Variants in GPC3 observed in about 807,000 individuals in gnomAD.
GPC3 encodes the protein glypican 3.
A neutral mutation model predicts 34.4 loss-of-function variants in GPC3; 3 were observed. The ratio of observed to expected loss-of-function variants is 0.09; its 90% CI spans 0.04 to 0.23. The LOEUF is 0.23. Ranked by LOEUF, GPC3 falls within the 10% of genes least tolerant of loss-of-function variation. The pLI is 1.00. For missense variants in GPC3, 351 were observed against 445.6 expected (o/e 0.79, Z 1.91); for synonymous variants, 177 against 174.0 (o/e 1.02, Z -0.13).
intron 2 of GPC3, among the ~76,000 whole-genome samples, chrX:133,819,064 A>T (rs1308018408): frequency 9.4e-6 from 1 of 106,107 alleles, no homozygotes; most frequent in Non-Finnish European, 1.9e-5. Flanking sequence ...ACATATGTAT[A>T]CATGTGCCAT....
chrX:133,656,922 G>T (rs2070669953), intron 6 of GPC3, among the ~76,000 whole-genome samples: 1 of 111,740 alleles, frequency 8.9e-6, no homozygotes, highest in Non-Finnish European at 1.9e-5. Flanking sequence ...TCACAAGAGG[G>T]TGCTGGGTTA....
chrX:133,645,969 T>G (rs1384177743), intron 6 of GPC3, among the ~76,000 whole-genome samples: 1 of 109,743 alleles, frequency 9.1e-6, no homozygotes, highest in Admixed American at 9.8e-5. Context: ...CATGTCTTTT[T>G]GTGGCAGAGA....
At chrX:133,884,265 C>G (rs5975434) in intron 2 of GPC3, among the ~76,000 whole-genome samples, 1,696 of 111,755 alleles carry the variant, frequency 0.015, 33 homozygotes, top group African/African-American at 0.052. Context: ...CAAGAATTCT[C>G]CGTTATGATT....
chrX:133,971,972 T>C (rs1457990377), intron 1 of GPC3, among the ~76,000 whole-genome samples: 1 of 111,970 alleles, frequency 8.9e-6, no homozygotes, highest in African/African-American at 3.2e-5. Flanking sequence ...TGGATATTGT[T>C]GGGAAAAGAC....
chrX:133,570,112 C>T (rs746230594), intron 7 of GPC3, among the ~76,000 whole-genome samples: 31 of 111,164 alleles, frequency 2.8e-4, no homozygotes, highest in Non-Finnish European at 5.5e-4. Context: ...AGGATGGTCT[C>T]GATCTCCTGA....
chrX:133,753,503 A>T lies in GPC3; in HGVS notation c.1011T>A (p.Asn337Lys). The change falls in exon 3 of 8, where the codon AAT becomes AAA. Residue 337 changes from asparagine to lysine, a missense_variant. Physicochemically the swap from Asn to Lys is moderately conservative, Grantham distance 94. Coordinates refer to ENST00000370818, the MANE Select transcript of GPC3 (RefSeq NM_004484.4). ...IHDSIQYVQKNAGKLTTTIGK... is the reference protein window; with the variant it reads ...IHDSIQYVQKKAGKLTTTIGK... Reference sequence around the variant, plus strand: ...TCACAGTGGTGGTCAGCTTTCCTGCATTCTTCTGGACATACTGGATAGAAT... The same window carrying T: ...TCACAGTGGTGGTCAGCTTTCCTGCTTTCTTCTGGACATACTGGATAGAAT... The T allele has an allele frequency of 8.3e-7, 1 of 1,209,078 alleles. No individual in the cohort carries two copies. Among genetic ancestry groups the T allele is most frequent in the Non-Finnish European group, 1.1e-6 (1 of 893,051 alleles).
Position 133,934,830 on chromosome X carries a change from T to C in GPC3, c.337+18220A>G, listed in dbSNP as rs969499941. 1.5e-4 allele frequency among the ~76,000 whole-genome samples: 17 copies of C among 111,049 alleles called. No homozygotes were observed. In the Admixed American group the frequency reaches 1.6e-3, roughly 11 times the overall value. On this transcript the variant is annotated intron_variant, in intron 2 of 7. Transcript: ENST00000370818. Reference sequence around the variant, plus strand: ...GAGCCATCATGCCTGGACTTCTTTATAAATTATCCAGTCTCAGGTATTTCT... The same window carrying C: ...GAGCCATCATGCCTGGACTTCTTTACAAATTATCCAGTCTCAGGTATTTCT...
At chrX:133,797,482 C>G (rs1013793173) in intron 2 of GPC3, among the ~76,000 whole-genome samples, 2 of 110,877 alleles carry the variant, frequency 1.8e-5, no homozygotes, top group East Asian at 2.8e-4. Context: ...GCTCTACCCC[C>G]CTGAGATTCC....
chrX:133,562,539 G>A (rs1048455415), intron 7 of GPC3, among the ~76,000 whole-genome samples: 1 of 111,010 alleles, frequency 9.0e-6, no homozygotes, highest in Admixed American at 9.6e-5. Flanking sequence ...GCTGAGGTAC[G>A]AGAATTGCTT....
chrX:133,598,414 C>T (rs1445170481), intron 6 of GPC3, among the ~76,000 whole-genome samples: 3 of 110,986 alleles, frequency 2.7e-5, no homozygotes, highest in African/African-American at 9.8e-5. Context: ...CATATTTTCC[C>T]AGACATAAGA....
intron 2 of GPC3, among the ~76,000 whole-genome samples, chrX:133,903,077 G>A (rs1285556468): frequency 9.2e-6 from 1 of 109,062 alleles, no homozygotes; most frequent in Admixed American, 9.8e-5. Context: ...CTTGAACCTG[G>A]GAGACAGAGA....
chrX:133,798,994 A>G (rs1257299672), intron 2 of GPC3, among the ~76,000 whole-genome samples: 1 of 112,161 alleles, frequency 8.9e-6, no homozygotes, highest in Non-Finnish European at 1.9e-5. Context: ...TGGTCCCCTT[A>G]TTCAAAAAAT....
At chrX:133,622,452 G>A (rs1306770051) in intron 6 of GPC3, among the ~76,000 whole-genome samples, 1 of 111,977 alleles carries the variant, frequency 8.9e-6, no homozygotes, top group Non-Finnish European at 1.9e-5. Flanking sequence ...AAACAGTGTA[G>A]AGAAGCACTT....
intron 2 of GPC3, among the ~76,000 whole-genome samples, chrX:133,776,878 C>CTTTTCTT (rs2071987401): frequency 2.5e-5 from 2 of 79,630 alleles, no homozygotes; most frequent in East Asian, 7.9e-4. Context: ...CCTTTCTTTT[C>CTTTTCTT]TTTTTTTTTT....
chrX:133,914,540 T>C lies in GPC3; in HGVS notation c.337+38510A>G, dbSNP rs183180866. Reference sequence around the variant, plus strand: ...CCTGTCTCTTGACCCCATTATATTTTATCTCACACAGTCTTTGGAAATAAA... The same window carrying C: ...CCTGTCTCTTGACCCCATTATATTTCATCTCACACAGTCTTTGGAAATAAA... On this transcript the variant is annotated intron_variant, in intron 2 of 7. Coordinates refer to ENST00000370818, the MANE Select transcript of GPC3 (RefSeq NM_004484.4). 8.0e-4 allele frequency among the ~76,000 whole-genome samples: 89 copies of C among 111,177 alleles called. 1 individual carries two copies. The highest frequency in any genetic ancestry group is 2.7e-3 in the African/African-American group (84 of 30,585).
chrX:133,849,030 G>T (rs1266192331), intron 2 of GPC3, among the ~76,000 whole-genome samples: 2 of 105,492 alleles, frequency 1.9e-5, no homozygotes, highest in African/African-American at 3.5e-5. Flanking sequence ...CCGTTTACAA[G>T]AGTTTGGTTA....
intron 7 of GPC3, among the ~76,000 whole-genome samples, chrX:133,589,757 T>A (rs1359335709): frequency 8.9e-6 from 1 of 111,790 alleles, no homozygotes. Context: ...ATCTCTCATA[T>A]GTCTTTATCA....
At chrX:133,883,220 G>T (rs2076049645) in intron 2 of GPC3, among the ~76,000 whole-genome samples, 1 of 111,342 alleles carries the variant, frequency 9.0e-6, no homozygotes, top group African/African-American at 3.3e-5. Flanking sequence ...AATACTTATA[G>T]ATTCTGCTTC....
chrX:133,546,968 C>T (rs1422383646), intron 7 of GPC3, among the ~76,000 whole-genome samples: 1 of 111,815 alleles, frequency 8.9e-6, no homozygotes, highest in Non-Finnish European at 1.9e-5. Flanking sequence ...GGTATGTATA[C>T]ACAGTGGAGT....
Sources: allele counts gnomAD v4.1 joint callset (sites outside exome capture counted in the v4.1 genomes callset), GRCh38; gene constraint gnomAD v4.1.1; transcripts MANE v1.5; gene names NCBI Gene and HGNC (gene_info 2026-07-23, HGNC 2026-07-21).